Variants in GRIK4 observed in about 807,000 individuals in gnomAD.
The protein encoded by GRIK4 is glutamate receptor ionotropic, kainate 4.
In GRIK4, 40 loss-of-function variants were observed where a neutral mutation model predicts 104.9. The observed-to-expected ratio is 0.38, with a 90% CI of 0.30 to 0.50. The LOEUF is 0.50. Ranked by LOEUF, GRIK4 falls within the 20% of genes least tolerant of loss-of-function variation. The probability of loss-of-function intolerance (pLI) is 0.93; values close to 1 mark genes in which losing one functional copy is unlikely to be tolerated. For missense variants in GRIK4, 1,047 were observed against 1,308.1 expected, an observed-to-expected ratio of 0.80 and a Z score of 3.08; for synonymous variants, 485 against 524.9, an observed-to-expected ratio of 0.92 and a Z score of 1.04.
chr11:120,662,581 G>A (rs1297942069), intron 3 of GRIK4, among the ~76,000 whole-genome samples: 1 of 152,148 alleles, frequency 6.6e-6, no homozygotes, highest in Non-Finnish European at 1.5e-5. Context: ...AACACAAGTA[G>A]CTGTGCTGAG....
chr11:120,755,164 C>T (rs1831068868), intron 3 of GRIK4, among the ~76,000 whole-genome samples: 1 of 152,116 alleles, frequency 6.6e-6, no homozygotes, highest in Admixed American at 6.5e-5. Context: ...CTGTGCCAGG[C>T]CCTGGGGGTA....
intron 3 of GRIK4, among the ~76,000 whole-genome samples, chr11:120,669,389 C>G (rs1949975612): frequency 6.6e-6 from 1 of 152,202 alleles, no homozygotes; most frequent in African/African-American, 2.4e-5. Context: ...TTCTTAAAAA[C>G]CTTCCTTAGC....
chr11:120,556,689 G>A (rs1017433230), intron 1 of GRIK4, among the ~76,000 whole-genome samples: 1 of 151,974 alleles, frequency 6.6e-6, no homozygotes, highest in Non-Finnish European at 1.5e-5. Context: ...CTTTGCTTTA[G>A]GAGGAAAAAA....
At chr11:120,558,859 C>G (rs10160449) in intron 1 of GRIK4, among the ~76,000 whole-genome samples, 2,786 of 152,264 alleles carry the variant, frequency 0.018, 85 homozygotes, top group African/African-American at 0.062. Context: ...TGGACCTTCT[C>G]TTGTGTCTTA....
chr11:120,527,688 C>T (rs1490410721), intron 1 of GRIK4, among the ~76,000 whole-genome samples: 2 of 152,358 alleles, frequency 1.3e-5, no homozygotes, highest in African/African-American at 2.4e-5. Flanking sequence ...CCACCCCTGG[C>T]GTGTGGCCTT....
chr11:120,550,997 G>A (rs1948134183), intron 1 of GRIK4, among the ~76,000 whole-genome samples: 1 of 152,148 alleles, frequency 6.6e-6, no homozygotes, highest in African/African-American at 2.4e-5. Context: ...TAATGTGGGG[G>A]TATTCATGGA....
intron 1 of GRIK4, among the ~76,000 whole-genome samples, chr11:120,520,366 G>A (rs905515234): frequency 1.3e-5 from 2 of 152,226 alleles, no homozygotes; most frequent in African/African-American, 4.8e-5. Context: ...CCCTTGGCCT[G>A]ATTTCTTCGA....
chr11:120,890,585 A>G (rs1379980629), intron 11 of GRIK4, among the ~76,000 whole-genome samples: 1 of 152,226 alleles, frequency 6.6e-6, no homozygotes, highest in African/African-American at 2.4e-5. Flanking sequence ...TTAATCTCCT[A>G]TTAACTGTGT....
chr11:120,747,447 G>A lies in GRIK4; in HGVS notation c.83-55246G>A, dbSNP rs577589172. ...AGTCAGTGTTAGCAGTGATGAAAAT[G>A]TCTGGAAGGAAGCCAGAAGTGATGG... On this transcript the variant is annotated intron_variant, in intron 3 of 20. Transcript: ENST00000527524. Among the ~76,000 whole-genome samples the A allele has an allele frequency of 2.0e-5, 3 of 152,300 alleles. No individual in the cohort carries two copies. In the East Asian group the frequency reaches 5.8e-4, roughly 29 times the overall value.
intron 1 of GRIK4, among the ~76,000 whole-genome samples, chr11:120,578,618 C>T (rs1327980137): frequency 2.0e-5 from 3 of 152,238 alleles, no homozygotes; most frequent in Non-Finnish European, 4.4e-5. Flanking sequence ...CAGTGCCAGA[C>T]ACATGCTTGG....
At chr11:120,726,252 GA>G (rs1376675292) in intron 3 of GRIK4, among the ~76,000 whole-genome samples, 22 of 152,196 alleles carry the variant, frequency 1.4e-4, no homozygotes, top group Admixed American at 1.4e-3. Context: ...AGCCATAGTG[GA>G]GGTTGGAATG....
intron 13 of GRIK4, among the ~76,000 whole-genome samples, chr11:120,918,585 T>G (rs980955596): frequency 2.0e-5 from 3 of 152,134 alleles, no homozygotes; most frequent in Non-Finnish European, 2.9e-5. Flanking sequence ...GGGTATCTAC[T>G]TGTCGATTTT....
chr11:120,554,912 T>C (rs563679359), intron 1 of GRIK4, among the ~76,000 whole-genome samples: 3 of 152,312 alleles, frequency 2.0e-5, no homozygotes, highest in African/African-American at 7.2e-5. Context: ...TGTTCCCCTC[T>C]TTCCAAATGA....
At chr11:120,827,435 T>TGGCAGGCAGGCAGGCA (rs143321553) in intron 6 of GRIK4, among the ~76,000 whole-genome samples, 1 of 151,858 alleles carries the variant, frequency 6.6e-6, no homozygotes, top group Non-Finnish European at 1.5e-5. Flanking sequence ...GCCTTAGACT[T>TGGCAGGCAGGCAGGCA]GGCAGGCAGG....
At chr11:120,850,501 T>G (rs1953948540) in intron 8 of GRIK4, among the ~76,000 whole-genome samples, 2 of 152,220 alleles carry the variant, frequency 1.3e-5, no homozygotes. Flanking sequence ...AGGAAATCCA[T>G]ACATCCCTTG....
rs1478104098 is a variant in GRIK4 at position 120,549,365 on chromosome 11, CAA to C, written c.-159+37480_-159+37481del. Among the ~76,000 whole-genome samples, 1 of 152,156 alleles carries C rather than the reference CAA, an allele frequency of 6.6e-6. No homozygotes were observed. Among genetic ancestry groups the C allele is most frequent in the Non-Finnish European group, 1.5e-5 (1 of 68,014 alleles). On this transcript the variant is annotated intron_variant, in intron 1 of 20. Transcript: ENST00000527524. This position sits in a 1 kb window ranked among gnomAD's most constrained non-coding sequence, Gnocchi z 4.7. ...TCATGATGCACCCACCTTGGACTCC[CAA>C]AGTGCTGGAATTATAGGCGTGAGCC... is the stretch of plus-strand genomic sequence containing the variant.
intron 6 of GRIK4, among the ~76,000 whole-genome samples, chr11:120,828,129 C>T (rs1288718556): frequency 6.6e-6 from 1 of 152,164 alleles, no homozygotes; most frequent in African/African-American, 2.4e-5. Context: ...ACTTTCTTCC[C>T]CCACAGTCTC....
chr11:120,878,112 C>T (rs576416025), intron 11 of GRIK4, among the ~76,000 whole-genome samples: 1 of 152,346 alleles, frequency 6.6e-6, no homozygotes, highest in East Asian at 1.9e-4. Flanking sequence ...CCTTCAGCCC[C>T]CAACCCAGGC....
intron 18 of GRIK4, among the ~76,000 whole-genome samples, chr11:120,964,912 A>G (rs1259749599): frequency 6.6e-6 from 1 of 152,176 alleles, no homozygotes; most frequent in Non-Finnish European, 1.5e-5. Flanking sequence ...CCAGTAATTC[A>G]TTTACCAGAC....
Sources: allele counts gnomAD v4.1 joint callset (sites outside exome capture counted in the v4.1 genomes callset), GRCh38; gene constraint gnomAD v4.1.1; non-coding constraint Gnocchi (gnomAD v3.1); transcripts MANE v1.5; gene names NCBI Gene and HGNC (gene_info 2026-07-23, HGNC 2026-07-21).